The following EBF2 variants were observed in gnomAD, a reference collection of about 807,000 sequenced individuals.
The protein encoded by EBF2 is transcription factor COE2.
Under a neutral mutation model 72.8 loss-of-function variants are expected in EBF2, and 21 were observed. The observed-to-expected ratio is 0.29, with a 90% CI of 0.20 to 0.42. The LOEUF (loss-of-function observed/expected upper bound fraction) is 0.42. EBF2 is among the 10% of genes least tolerant of loss of function. EBF2 has a pLI of 1.00. For missense variants in EBF2, 637 were observed against 731.2 expected (o/e 0.87, Z 1.49); for synonymous variants, 299 against 274.2 (o/e 1.09, Z -0.89).
At position 26,003,473 on chromosome 8, in the gene EBF2, G is replaced by A. The variant is rs142915715; in HGVS notation, c.551+29612C>T. ...GACTTTTATGTAGGTAAGGCAGCAG[G>A]TAAGTAGTCTCCTGTATTGGAACTT... On this transcript the variant is annotated intron_variant, in intron 6 of 15. Transcript: ENST00000520164. Among the ~76,000 whole-genome samples the A allele has an allele frequency of 9.8e-3, 1,486 of 152,296 alleles. 18 individuals carry two copies. The highest frequency in any genetic ancestry group is 0.016 in the Non-Finnish European group (1,100 of 68,032).
chr8:25,985,281 T>A (rs73675760), intron 6 of EBF2, among the ~76,000 whole-genome samples: 9 of 152,142 alleles, frequency 5.9e-5, no homozygotes, highest in African/African-American at 1.9e-4. Flanking sequence ...AAATACCCAG[T>A]GGCTACATAT....
intron 10 of EBF2, among the ~76,000 whole-genome samples, chr8:25,866,124 A>G (rs1157649552): frequency 6.6e-6 from 1 of 151,726 alleles, no homozygotes; most frequent in African/African-American, 2.4e-5. Context: ...CTGTACATTC[A>G]TATCATCTAC....
intron 10 of EBF2, among the ~76,000 whole-genome samples, chr8:25,882,946 T>C (rs567212868): frequency 1.5e-4 from 23 of 152,312 alleles, no homozygotes; most frequent in African/African-American, 5.1e-4. Context: ...AAAACAGAGA[T>C]ATTTTACGAC....
chr8:25,965,645 C>A (rs1441436415), intron 6 of EBF2, among the ~76,000 whole-genome samples: 1 of 152,146 alleles, frequency 6.6e-6, no homozygotes, highest in African/African-American at 2.4e-5. Context: ...CTGATCCCTG[C>A]CATTCCAACT....
At chr8:26,033,365 G>T (rs981923981) in intron 5 of EBF2, among the ~76,000 whole-genome samples, 1 of 152,144 alleles carries the variant, frequency 6.6e-6, no homozygotes, top group Non-Finnish European at 1.5e-5. Flanking sequence ...GACTAACTGG[G>T]ACTACAGGTG....
chr8:25,870,172 A>G (rs1802409413), intron 10 of EBF2, among the ~76,000 whole-genome samples: 1 of 152,222 alleles, frequency 6.6e-6, no homozygotes, highest in Admixed American at 6.5e-5. Flanking sequence ...TCAACTAGCA[A>G]ACACAAACAG....
chr8:25,921,434 G>C (rs901485408), intron 6 of EBF2, among the ~76,000 whole-genome samples: 3 of 152,134 alleles, frequency 2.0e-5, no homozygotes, highest in Non-Finnish European at 4.4e-5. Context: ...ATATTCCCGA[G>C]TGTAGTCAAC....
chr8:25,947,820 C>T (rs75518867), intron 6 of EBF2, among the ~76,000 whole-genome samples: 2,967 of 152,332 alleles, frequency 0.019, 78 homozygotes, highest in African/African-American at 0.068. Flanking sequence ...TGGAAAATTA[C>T]CCAGGATTCT....
chr8:26,027,381 G>A (rs1305196751), intron 6 of EBF2, among the ~76,000 whole-genome samples: 7 of 151,888 alleles, frequency 4.6e-5, no homozygotes, highest in Admixed American at 4.6e-4. Context: ...TGACAAGCCT[G>A]GACCAAAGGT....
chr8:25,867,662 A>ATGC (rs1174086938), intron 10 of EBF2, among the ~76,000 whole-genome samples: 1 of 152,202 alleles, frequency 6.6e-6, no homozygotes, highest in Non-Finnish European at 1.5e-5. Context: ...ATGCAGCTAC[A>ATGC]TGCTAATCGT....
chr8:25,863,398 A>G (rs1802246283), intron 10 of EBF2, among the ~76,000 whole-genome samples: 1 of 152,182 alleles, frequency 6.6e-6, no homozygotes, highest in Admixed American at 6.5e-5. Flanking sequence ...CCGTTAAGAC[A>G]GGGCCTGGCA....
intron 6 of EBF2, among the ~76,000 whole-genome samples, chr8:26,001,740 G>A (rs1312101975): frequency 6.6e-6 from 1 of 151,956 alleles, no homozygotes; most frequent in Non-Finnish European, 1.5e-5. Flanking sequence ...GTAGAGACAG[G>A]GTTTCACCAT....
chr8:25,884,390 A>AAGAAGGAGAGGAGAGGAGGATGGAGG, intron 10 of EBF2, among the ~76,000 whole-genome samples: 1 of 151,986 alleles, frequency 6.6e-6, no homozygotes, highest in African/African-American at 2.4e-5. Context: ...GAGGATGGAG[A>AAGAAGGAGAGGAGAGGAGGATGGAGG]AAGAAGGAGA....
At chr8:25,991,364 T>C (rs973276507) in intron 6 of EBF2, among the ~76,000 whole-genome samples, 2 of 152,220 alleles carry the variant, frequency 1.3e-5, no homozygotes, top group Non-Finnish European at 1.5e-5. Context: ...GTGCCTATTC[T>C]GTCTAATCAG....
At chr8:25,955,677 G>A (rs1297010854) in intron 6 of EBF2, among the ~76,000 whole-genome samples, 1 of 152,098 alleles carries the variant, frequency 6.6e-6, no homozygotes, top group Non-Finnish European at 1.5e-5. Flanking sequence ...AGAGAGCTTG[G>A]GGAGTCATAT....
At chr8:26,007,080 T>G (rs1207846710) in intron 6 of EBF2, among the ~76,000 whole-genome samples, 1 of 152,240 alleles carries the variant, frequency 6.6e-6, no homozygotes, top group Non-Finnish European at 1.5e-5. Flanking sequence ...TTAAGAAATA[T>G]TCTCACTGAG....
chr8:26,034,232 T>C (rs1485743), intron 5 of EBF2, among the ~76,000 whole-genome samples: 57,091 of 152,142 alleles, frequency 0.38, 11,853 homozygotes, highest in Middle Eastern at 0.51. Flanking sequence ...ACCAGAACTA[T>C]GGTATACATT....
At chr8:26,015,703 C>T (rs1805100037) in intron 6 of EBF2, among the ~76,000 whole-genome samples, 2 of 152,204 alleles carry the variant, frequency 1.3e-5, no homozygotes, top group Admixed American at 1.3e-4. Context: ...TCTTTTTAGC[C>T]TGGTCTATAA....
Position 25,863,325 on chromosome 8 carries a change from C to T in EBF2, c.1010-528G>A, listed in dbSNP as rs544320230. On this transcript the variant is annotated intron_variant, in intron 10 of 15. Coordinates refer to ENST00000520164, the MANE Select transcript of EBF2 (RefSeq NM_022659.4). ...TTTCAATTATATTTAATTACACCCA[C>T]GTCTGGTAACTATCAGCCCCCCACC... Among the ~76,000 whole-genome samples, 4 of 152,214 alleles carry T rather than the reference C, an allele frequency of 2.6e-5. No individual in the cohort carries two copies. The East Asian group carries it at 5.8e-4, about 22-fold the overall frequency.
Sources: gnomAD v4.1 joint callset for allele counts (sites outside exome capture counted in the v4.1 genomes callset) on GRCh38, gnomAD v4.1.1 for gene constraint, MANE v1.5 for transcripts, NCBI Gene and HGNC (gene_info 2026-07-23, HGNC 2026-07-21) for gene names.